SNTG1: variants seen among roughly 807,000 people sequenced by gnomAD.
SNTG1 encodes gamma-1-syntrophin.
SNTG1 carries 39 observed loss-of-function variants against 74.7 expected under a neutral mutation model. The ratio of observed to expected loss-of-function variants is 0.52; its 90% confidence interval spans 0.40 to 0.68. The LOEUF is 0.68. SNTG1 is among the 30% of genes least tolerant of loss of function. The probability of loss-of-function intolerance (pLI) is 0.00; values close to 1 mark genes in which losing one functional copy is unlikely to be tolerated. For missense variants in SNTG1, 685 were observed against 609.5 expected, an observed-to-expected ratio of 1.12 and a Z score of -1.30; for synonymous variants, 254 against 217.1, an observed-to-expected ratio of 1.17 and a Z score of -1.49.
chr8:50,597,366 TAC>T (rs2094736209), intron 13 of SNTG1, among the ~76,000 whole-genome samples: 38 of 116,092 alleles, frequency 3.3e-4, no homozygotes, highest in Admixed American at 2.7e-3. Context: ...TATACACATA[TAC>T]ATGTATATAT....
intron 2 of SNTG1, among the ~76,000 whole-genome samples, chr8:50,204,171 C>T (rs916520668): frequency 1.3e-5 from 2 of 152,282 alleles, no homozygotes; most frequent in African/African-American, 2.4e-5. Context: ...ATCTACCTTA[C>T]AGCCCTCCGA....
intron 1 of SNTG1, among the ~76,000 whole-genome samples, chr8:50,111,243 CA>C (rs1252725909): frequency 1.3e-5 from 2 of 152,062 alleles, no homozygotes; most frequent in African/African-American, 4.8e-5. Flanking sequence ...TGTCTCTCCC[CA>C]AAACTCATAT....
chr8:50,414,249 T>G (rs550006128), intron 4 of SNTG1, among the ~76,000 whole-genome samples: 1 of 152,312 alleles, frequency 6.6e-6, no homozygotes, highest in Admixed American at 6.5e-5. Flanking sequence ...CAGATATTCT[T>G]TAAACTAAAT....
chr8:50,162,505 T>G (rs2082454507), intron 1 of SNTG1, among the ~76,000 whole-genome samples: 1 of 139,016 alleles, frequency 7.2e-6, no homozygotes, highest in South Asian at 2.2e-4. Context: ...GAGCTTGCAG[T>G]GAGCCGAGTT....
chr8:50,136,601 G>A (rs1314591761), intron 1 of SNTG1, among the ~76,000 whole-genome samples: 1 of 152,124 alleles, frequency 6.6e-6, no homozygotes, highest in Non-Finnish European at 1.5e-5. Flanking sequence ...AGCAGGGCAC[G>A]TGACCCCACC....
intron 13 of SNTG1, among the ~76,000 whole-genome samples, chr8:50,618,144 C>A (rs1319152327): frequency 1.3e-5 from 2 of 152,122 alleles, no homozygotes; most frequent in African/African-American, 2.4e-5. Context: ...TTGTGATTTC[C>A]ACAAAGCTGC....
chr8:50,463,837 G>C (rs1266169054), intron 8 of SNTG1, among the ~76,000 whole-genome samples: 5 of 152,176 alleles, frequency 3.3e-5, no homozygotes, highest in Non-Finnish European at 5.9e-5. Context: ...AGCTATGAAA[G>C]TCCTAGAAGG....
chr8:50,146,863 T>C (rs918073266), intron 1 of SNTG1, among the ~76,000 whole-genome samples: 6 of 152,136 alleles, frequency 3.9e-5, no homozygotes, highest in Non-Finnish European at 7.4e-5. Context: ...GATTTTTTGT[T>C]CTTTTTTTTT....
chr8:50,375,516 G>A (rs1404981992), intron 2 of SNTG1, among the ~76,000 whole-genome samples: 1 of 152,098 alleles, frequency 6.6e-6, no homozygotes, highest in Admixed American at 6.6e-5. Flanking sequence ...GTGTGAATGA[G>A]GTGAGAGTAG....
intron 2 of SNTG1, among the ~76,000 whole-genome samples, chr8:50,389,366 C>T (rs2092622451): frequency 6.6e-6 from 1 of 152,084 alleles, no homozygotes; most frequent in South Asian, 2.1e-4. Context: ...GAGACTTATC[C>T]AGTGGAAATA....
rs150793643 is a variant in SNTG1 at position 50,609,306 on chromosome 8, T to C, written c.849+18389T>C. 7.9e-3 allele frequency among the ~76,000 whole-genome samples: 1,208 copies of C among 152,224 alleles called. 12 individuals are homozygous for C. The highest frequency in any genetic ancestry group is 0.027 in the African/African-American group (1,105 of 41,568). ...TTGTTGCTTCTGAAGGATAGTTTTA[T>C]TAGAAATTGAAATCTTTGTTGACCT... On this transcript the variant is annotated intron_variant, in intron 13 of 18. Coordinates refer to ENST00000642720, the MANE Select transcript of SNTG1 (RefSeq NM_018967.5).
At chr8:50,251,846 A>G (rs1292130113) in intron 2 of SNTG1, among the ~76,000 whole-genome samples, 1 of 152,118 alleles carries the variant, frequency 6.6e-6, no homozygotes, top group Non-Finnish European at 1.5e-5. Flanking sequence ...CTCAAACTAT[A>G]CGATAGATCA....
At chr8:50,078,922 G>T (rs181465073) in intron 1 of SNTG1, among the ~76,000 whole-genome samples, 2 of 152,276 alleles carry the variant, frequency 1.3e-5, no homozygotes, top group Non-Finnish European at 2.9e-5. Flanking sequence ...GTATTCCATG[G>T]TGTATATGTG....
At chr8:50,563,833 A>G (rs192793622) in intron 12 of SNTG1, among the ~76,000 whole-genome samples, 1 of 152,154 alleles carries the variant, frequency 6.6e-6, no homozygotes, top group African/African-American at 2.4e-5. Flanking sequence ...TTCCTGCCCA[A>G]TTAGAAATCT....
At chr8:50,041,100 T>G (rs1818602591) in intron 1 of SNTG1, among the ~76,000 whole-genome samples, 1 of 152,168 alleles carries the variant, frequency 6.6e-6, no homozygotes, top group African/African-American at 2.4e-5. Context: ...TTCTCCATGT[T>G]GCCCAGTCTG....
chr8:49,944,833 G>T (rs1297023798), intron 1 of SNTG1, among the ~76,000 whole-genome samples: 1 of 151,316 alleles, frequency 6.6e-6, no homozygotes, highest in Non-Finnish European at 1.5e-5. Context: ...TGTTGCCCAG[G>T]CTGGAGTGCA....
Position 50,792,891 on chromosome 8 carries a change from T to C in SNTG1, c.*62T>C. The C allele has an allele frequency of 6.7e-7, 1 of 1,482,896 alleles. No homozygotes were observed. Among genetic ancestry groups the C allele is most frequent in the Non-Finnish European group, 9.0e-7 (1 of 1,109,752 alleles). 91.9% of individuals were successfully genotyped at this position (1,482,896 alleles called of 1,614,324 possible). On this transcript the variant is annotated 3_prime_UTR_variant, in exon 19 of 19. Transcript: ENST00000642720. ...ATAAGCAGGACACATTTACTCATCA[T>C]TTTAGACCCTAGAGAAACCATAACA...
At chr8:50,258,207 C>A (rs73676293) in intron 2 of SNTG1, among the ~76,000 whole-genome samples, 1 of 152,152 alleles carries the variant, frequency 6.6e-6, no homozygotes, top group Admixed American at 6.5e-5. Flanking sequence ...CTAGATGATC[C>A]GAAAGCAGTT....
intron 1 of SNTG1, among the ~76,000 whole-genome samples, chr8:49,958,135 A>G (rs1251346565): frequency 1.3e-5 from 2 of 152,116 alleles, no homozygotes; most frequent in African/African-American, 4.8e-5. Flanking sequence ...GGTAGGTGAG[A>G]GAGAAGCCAT....
Sources: gnomAD v4.1 joint callset for allele counts (sites outside exome capture counted in the v4.1 genomes callset) on GRCh38, gnomAD v4.1.1 for gene constraint, MANE v1.5 for transcripts, NCBI Gene and HGNC (gene_info 2026-07-23, HGNC 2026-07-21) for gene names.